CSMD3: variants seen among roughly 807,000 people sequenced by gnomAD.
CSMD3 encodes the protein CUB and Sushi multiple domains 3.
Under a neutral mutation model 435.2 loss-of-function variants are expected in CSMD3, and 177 were observed. The ratio of observed to expected loss-of-function variants is 0.41; its 90% CI spans 0.36 to 0.46. The LOEUF (loss-of-function observed/expected upper bound fraction) is 0.46, where lower values mean the gene tolerates loss of function less well. Ranked by LOEUF, CSMD3 falls within the 20% of genes least tolerant of loss-of-function variation. CSMD3 has a pLI of 0.34. For synonymous variants in CSMD3, 1,656 were observed against 1,520.5 expected, an observed-to-expected ratio of 1.09 and a Z score of -2.07; for missense variants, 4,265 against 4,504.6, an observed-to-expected ratio of 0.95 and a Z score of 1.52.
intron 3 of CSMD3, among the ~76,000 whole-genome samples, chr8:113,239,622 C>A (rs557520765): frequency 1.3e-5 from 2 of 151,970 alleles, no homozygotes; most frequent in South Asian, 4.2e-4. Context: ...TAACAAGTAT[C>A]TAAATATGTG....
At chr8:112,324,305 T>G (rs11987697) in intron 45 of CSMD3, among the ~76,000 whole-genome samples, 6,053 of 152,138 alleles carry the variant, frequency 0.04, 401 homozygotes, top group African/African-American at 0.14. Context: ...TTCATTGTGT[T>G]GAATTGTTTT....
intron 1 of CSMD3, among the ~76,000 whole-genome samples, chr8:113,370,227 T>C (rs1002044723): frequency 6.6e-6 from 1 of 151,104 alleles, no homozygotes; most frequent in African/African-American, 2.4e-5. Flanking sequence ...AAAAAACACA[T>C]AAAAGGATTG....
intron 1 of CSMD3, among the ~76,000 whole-genome samples, chr8:113,335,533 CCTT>C (rs1256351132): frequency 3.2e-5 from 3 of 94,234 alleles, no homozygotes; most frequent in African/African-American, 9.1e-5. Flanking sequence ...CTCTCCTCCT[CCTT>C]CTTTTTTTTT....
At chr8:112,637,078 G>C (rs2131582900) in intron 21 of CSMD3, 73 bp from the exon 22 acceptor site, 1 of 1,188,218 alleles carries the variant, frequency 8.4e-7, no homozygotes, top group South Asian at 1.2e-5. Flanking sequence ...TACTTTTAAA[G>C]GTATATTCCT....
At chr8:113,408,169 G>T (rs2094541479) in intron 1 of CSMD3, among the ~76,000 whole-genome samples, 1 of 151,884 alleles carries the variant, frequency 6.6e-6, no homozygotes, top group Admixed American at 6.6e-5. Flanking sequence ...CAGAATATGG[G>T]CAACAACATT....
At chr8:113,164,323 A>G (rs958892345) in intron 4 of CSMD3, among the ~76,000 whole-genome samples, 1 of 151,796 alleles carries the variant, frequency 6.6e-6, no homozygotes, top group Non-Finnish European at 1.5e-5. Flanking sequence ...ATAGATAACA[A>G]GTGGCCTTAA....
chr8:112,638,743 A>G lies in CSMD3; in HGVS notation c.3479T>C (p.Ile1160Thr). ...TTCATATGATATTGAAAAATCTGAA[A>G]TGAAACGCAATTGAGCCCTGAAATT... is the stretch of plus-strand genomic sequence containing the variant. ...YGNFRAQLRFISDFSISYEGF... is the reference protein window; with the variant it reads ...YGNFRAQLRFTSDFSISYEGF... Residue 1160 changes from isoleucine to threonine, a missense_variant, in exon 21 of 71, where the codon ATT becomes ACT. Coordinates refer to ENST00000297405, the MANE Select transcript of CSMD3 (RefSeq NM_198123.2). 6.2e-7 allele frequency: 1 copy of G among 1,610,482 alleles called. No individual in the cohort carries two copies. The highest frequency in any genetic ancestry group is 2.2e-5 in the East Asian group (1 of 44,834).
intron 11 of CSMD3, among the ~76,000 whole-genome samples, chr8:112,838,261 T>C (rs1357480277): frequency 6.6e-6 from 1 of 151,770 alleles, no homozygotes; most frequent in Non-Finnish European, 1.5e-5. Flanking sequence ...AAACATAAAC[T>C]GTGAGGCAAA....
intron 9 of CSMD3, among the ~76,000 whole-genome samples, chr8:112,938,355 G>A (rs980311904): frequency 6.6e-6 from 1 of 152,108 alleles, no homozygotes; most frequent in Non-Finnish European, 1.5e-5. Context: ...TGTATACCTC[G>A]AATTGTGATT....
At chr8:112,448,792 C>T (rs903067202) in intron 32 of CSMD3, among the ~76,000 whole-genome samples, 1 of 147,342 alleles carries the variant, frequency 6.8e-6, no homozygotes, top group Non-Finnish European at 1.5e-5. Context: ...AAAACCTCTA[C>T]TGGAGTTCTA....
intron 13 of CSMD3, among the ~76,000 whole-genome samples, chr8:112,711,406 A>C (rs1423419866): frequency 6.6e-6 from 1 of 152,186 alleles, no homozygotes; most frequent in Non-Finnish European, 1.5e-5. Context: ...TGACAGGAAA[A>C]GGTAGGAAGA....
At chr8:113,201,367 T>A (rs961692920) in intron 3 of CSMD3, among the ~76,000 whole-genome samples, 1 of 151,976 alleles carries the variant, frequency 6.6e-6, no homozygotes, top group African/African-American at 2.4e-5. Context: ...TAATTGAAAT[T>A]AGTCATAACA....
chr8:112,336,240 T>C (rs1415691934), intron 44 of CSMD3, among the ~76,000 whole-genome samples: 1 of 152,142 alleles, frequency 6.6e-6, no homozygotes, highest in Non-Finnish European at 1.5e-5. Flanking sequence ...GATGTTTCAA[T>C]TGACAAGACT....
chr8:112,263,447 C>T (rs568878122), intron 61 of CSMD3, among the ~76,000 whole-genome samples, 192 bp downstream of exon 61: 9 of 152,024 alleles, frequency 5.9e-5, no homozygotes, highest in East Asian at 3.9e-4. Flanking sequence ...AAACTAAAAC[C>T]GTTTAGTGTA....
intron 13 of CSMD3, among the ~76,000 whole-genome samples, chr8:112,748,614 T>C (rs967171299): frequency 6.6e-6 from 1 of 152,184 alleles, no homozygotes; most frequent in African/African-American, 2.4e-5. Flanking sequence ...TTCCCGCAAT[T>C]AGTTTACTAA....
At chr8:112,463,080 G>T (rs1586406946) in intron 32 of CSMD3, among the ~76,000 whole-genome samples, 1 of 152,276 alleles carries the variant, frequency 6.6e-6, no homozygotes, top group Admixed American at 6.5e-5. Flanking sequence ...AACCAGGGCT[G>T]GGCGCAGTGG....
intron 38 of CSMD3, among the ~76,000 whole-genome samples, chr8:112,357,564 C>T (rs552500204): frequency 1.3e-5 from 2 of 152,168 alleles, no homozygotes; most frequent in African/African-American, 2.4e-5. Flanking sequence ...GTCTTCATGG[C>T]AGCCCCTCCC....
intron 32 of CSMD3, among the ~76,000 whole-genome samples, chr8:112,437,435 T>TA (rs1206754438): frequency 6.6e-6 from 1 of 152,110 alleles, no homozygotes; most frequent in Non-Finnish European, 1.5e-5. Context: ...GCAGACAACT[T>TA]ACATAGCCTT....
intron 20 of CSMD3, among the ~76,000 whole-genome samples, chr8:112,642,193 T>A (rs542725742): frequency 6.6e-6 from 1 of 152,272 alleles, no homozygotes; most frequent in Admixed American, 6.5e-5. Context: ...ATTTGACTTT[T>A]TTTTTCTAAT....
Sources: gnomAD v4.1 joint callset for allele counts (sites outside exome capture counted in the v4.1 genomes callset) on GRCh38, gnomAD v4.1.1 for gene constraint, MANE v1.5 for transcripts, NCBI Gene and HGNC (gene_info 2026-07-23, HGNC 2026-07-21) for gene names.